Variants in SRGAP3 observed in about 807,000 individuals in gnomAD.
SRGAP3 encodes SLIT-ROBO Rho GTPase-activating protein 3.
SRGAP3 carries 39 observed loss-of-function variants against 121.1 expected under a neutral mutation model. The observed-to-expected ratio is 0.32, with a 90% confidence interval of 0.25 to 0.42. The LOEUF (loss-of-function observed/expected upper bound fraction) is 0.42, where lower values mean the gene tolerates loss of function less well. Ranked by LOEUF, SRGAP3 falls within the 10% of genes least tolerant of loss-of-function variation. The pLI is 1.00. For synonymous variants in SRGAP3, 601 were observed against 570.0 expected (o/e 1.05, Z -0.77); for missense variants, 1,213 against 1,470.6 (o/e 0.82, Z 2.86).
chr3:9,067,885 G>A (rs1051978877), intron 4 of SRGAP3, among the ~76,000 whole-genome samples: 1 of 152,178 alleles, frequency 6.6e-6, no homozygotes, highest in Non-Finnish European at 1.5e-5. Flanking sequence ...AAATCAGCAA[G>A]AAGGGGGTTT....
At chr3:9,271,227 G>C (rs28612548) in intron 3 of SRGAP3, among the ~76,000 whole-genome samples, 1 of 152,212 alleles carries the variant, frequency 6.6e-6, no homozygotes, top group Non-Finnish European at 1.5e-5. Context: ...CCAGCTACCT[G>C]GGAGGCTGAG....
At chr3:9,060,197 C>G in intron 6 of SRGAP3, 34 bp downstream of exon 6, 4 of 1,613,552 alleles carry the variant, frequency 2.5e-6, no homozygotes, top group Non-Finnish European at 3.4e-6. Context: ...CTGGTGTGGG[C>G]CCTGCTCAGT....
chr3:9,065,034 G>A (rs965374850), intron 4 of SRGAP3, among the ~76,000 whole-genome samples: 3 of 152,036 alleles, frequency 2.0e-5, no homozygotes, highest in Non-Finnish European at 2.9e-5. Context: ...CCAGTGCCGC[G>A]GGGAAAGCCC....
chr3:9,010,431 T>G, intron 17 of SRGAP3, 44 bp from the exon 18 acceptor site: 1 of 1,608,780 alleles, frequency 6.2e-7, no homozygotes, highest in Non-Finnish European at 8.5e-7. Context: ...GGGGGTTATC[T>G]ACCCTCACAG....
chr3:9,015,708 G>A lies in SRGAP3; in HGVS notation c.1702C>T (p.Gln568Ter). Residue 568 changes from glutamine (Q) to a stop codon, truncating the protein, a stop_gained, in exon 15 of 22, where the codon CAA (glutamine) becomes TAA (stop). Coordinates refer to ENST00000383836, the MANE Select transcript of SRGAP3 (RefSeq NM_014850.4). LOFTEE classifies it high-confidence loss of function. ...ERGEDPLVDD[Q>*]NERDINSVAG... ...ACTGAATTGATATCTCGTTCATTTT[G>A]ATCGTCCACAAGGGGGTCTTCACCT... is the stretch of plus-strand genomic sequence containing the variant. 1 of 1,614,100 alleles carries A rather than the reference G, an allele frequency of 6.2e-7. No homozygotes were observed. The highest frequency in any genetic ancestry group is 8.5e-7 in the Non-Finnish European group (1 of 1,180,018).
intron 1 of SRGAP3, among the ~76,000 whole-genome samples, chr3:9,174,872 T>C (rs1389052735): frequency 1.3e-5 from 2 of 152,300 alleles, no homozygotes; most frequent in African/African-American, 4.8e-5. Context: ...AAGTGTAGGC[T>C]TGTTCCTGAG....
At chr3:9,125,324 G>A (rs777997999) in intron 1 of SRGAP3, among the ~76,000 whole-genome samples, 12 of 152,170 alleles carry the variant, frequency 7.9e-5, no homozygotes, top group Non-Finnish European at 8.8e-5. Flanking sequence ...AGCCTGGGAC[G>A]TAGGAAATAA....
intron 3 of SRGAP3, among the ~76,000 whole-genome samples, chr3:9,306,441 G>T (rs1225120115): frequency 6.6e-6 from 1 of 152,094 alleles, no homozygotes; most frequent in Admixed American, 6.5e-5. Context: ...GTCTATTTTG[G>T]CTTTTGTTGC....
intron 1 of SRGAP3, among the ~76,000 whole-genome samples, chr3:9,180,303 T>C (rs1249430478): frequency 6.6e-6 from 1 of 152,206 alleles, no homozygotes; most frequent in East Asian, 1.9e-4. Flanking sequence ...ACAGGCTGTT[T>C]GGTTCCCACC....
At chr3:9,104,284 G>C (rs528516766) in intron 3 of SRGAP3, among the ~76,000 whole-genome samples, 1 of 152,128 alleles carries the variant, frequency 6.6e-6, no homozygotes, top group Non-Finnish European at 1.5e-5. Context: ...CTCAGAAAAT[G>C]CATTTGCGTT....
intron 1 of SRGAP3, among the ~76,000 whole-genome samples, chr3:9,182,175 CAAAAAAAAAAAAAAA>C (rs34305216): frequency 2.7e-5 from 1 of 37,282 alleles, no homozygotes; most frequent in Non-Finnish European, 4.3e-5. Flanking sequence ...GACTCTGTCT[CAAAAAAAAAAAAAAA>C]AAAAAAAAAA....
intron 17 of SRGAP3, among the ~76,000 whole-genome samples, chr3:9,012,625 G>C (rs1943431854): frequency 6.6e-6 from 1 of 152,182 alleles, no homozygotes; most frequent in Admixed American, 6.5e-5. Context: ...GTCTGGAAAA[G>C]AGAACTCCTA....
intron 3 of SRGAP3, among the ~76,000 whole-genome samples, chr3:9,300,661 G>A (rs972576414): frequency 6.6e-6 from 1 of 152,186 alleles, no homozygotes; most frequent in African/African-American, 2.4e-5. Flanking sequence ...TGGAGTAGTG[G>A]TTCTCAACAG....
intron 18 of SRGAP3, chr3:9,008,099 A>G (rs1943173735): frequency 6.6e-6 from 1 of 152,216 alleles, no homozygotes; most frequent in Admixed American, 6.5e-5. Context: ...TACAAAGAAC[A>G]AAAAGAAGAA....
intron 6 of SRGAP3, chr3:9,059,401 C>T (rs920443446): frequency 6.6e-6 from 1 of 152,296 alleles, no homozygotes; most frequent in African/African-American, 2.4e-5. Context: ...TGGGAGCTCC[C>T]TCTCCTTGCG....
In SRGAP3 at chr3:9,051,671, T is replaced by C. The variant is rs545995244; in HGVS notation, c.1323+1356A>G. Among the ~76,000 whole-genome samples the C allele has an allele frequency of 6.0e-5, 9 of 150,980 alleles. No individual in the cohort carries two copies. The South Asian group carries it at 1.7e-3, about 28-fold the overall frequency. ...ATCTTAGAACATATGAATAGGAGCATAGTACCCGGTATAGAAGGGGTGAAA... is the reference window on the plus strand; with the variant it reads ...ATCTTAGAACATATGAATAGGAGCACAGTACCCGGTATAGAAGGGGTGAAA... On this transcript the variant is annotated intron_variant, in intron 9 of 21. Coordinates refer to ENST00000383836, the MANE Select transcript of SRGAP3 (RefSeq NM_014850.4).
chr3:9,040,405 C>T (rs1944961609), intron 10 of SRGAP3, among the ~76,000 whole-genome samples: 1 of 152,144 alleles, frequency 6.6e-6, no homozygotes, highest in Non-Finnish European at 1.5e-5. Context: ...TCTGTGTGGT[C>T]CTCAAGTAGG....
At chr3:9,352,440 A>G (rs573642271) in intron 1 of SRGAP3, among the ~76,000 whole-genome samples, 1 of 151,934 alleles carries the variant, frequency 6.6e-6, no homozygotes, top group South Asian at 2.1e-4. Context: ...CGCCTGGCTA[A>G]TTTTTGTATT....
intron 1 of SRGAP3, among the ~76,000 whole-genome samples, chr3:9,342,805 C>T (rs558244900): frequency 6.6e-6 from 1 of 152,364 alleles, no homozygotes; most frequent in East Asian, 1.9e-4. Flanking sequence ...GTTACAACTC[C>T]ATGAGGAGGC....
Sources: gnomAD v4.1 joint callset for allele counts (sites outside exome capture counted in the v4.1 genomes callset) on GRCh38, gnomAD v4.1.1 for gene constraint, MANE v1.5 for transcripts, NCBI Gene and HGNC (gene_info 2026-07-23, HGNC 2026-07-21) for gene names.